Variants in TPR observed in about 807,000 individuals in gnomAD.
The protein encoded by TPR is nucleoprotein TPR.
Under a neutral mutation model 316.1 loss-of-function variants are expected in TPR, and 51 were observed. The ratio of observed to expected loss-of-function variants is 0.16; its 90% confidence interval spans 0.13 to 0.20. The LOEUF (loss-of-function observed/expected upper bound fraction) is 0.20, where lower values mean the gene tolerates loss of function less well. Among genes scored for constraint, TPR ranks in the 10% least tolerant of loss-of-function variants. The pLI, the probability that TPR is intolerant of heterozygous loss-of-function variation, is 1.00. For synonymous variants in TPR, 981 were observed against 914.7 expected, an observed-to-expected ratio of 1.07 and a Z score of -1.31; for missense variants, 2,272 against 2,754.8, an observed-to-expected ratio of 0.82 and a Z score of 3.92.
At chr1:186,331,418 C>A in intron 39 of TPR, 80 bp downstream of exon 39, 6 of 948,020 alleles carry the variant, frequency 6.3e-6, no homozygotes, top group South Asian at 1.7e-5. Context: ...AAAAAAAGAC[C>A]AAATAATGTT....
chr1:186,370,680 A>G (rs1441487853), intron 3 of TPR, among the ~76,000 whole-genome samples: 1 of 152,142 alleles, frequency 6.6e-6, no homozygotes, highest in Non-Finnish European at 1.5e-5. Context: ...TAAGGAAATG[A>G]CTACCAATGT....
Position 186,341,099 on chromosome 1 carries a change from T to C in TPR, c.3949A>G (p.Lys1317Glu). Residue 1317 changes from lysine to glutamate, a missense_variant, in exon 29 of 51, where the codon AAA becomes GAA. By Grantham distance (56) the Lys-to-Glu change is moderately conservative. Around this residue, in one of 10 missense-constraint regions of TPR, gnomAD observed 96 missense variants for 134.6 expected, o/e 0.71. Coordinates refer to ENST00000367478, the MANE Select transcript of TPR (RefSeq NM_003292.3). ...TTCTCTGCCTGCAACATACCGCTTT[T>C]CTCACTCAGCTCAGCATTTGCTTCT... ...LQEANAELSEKSGMLQAEKKL... is the reference protein window; with the variant it reads ...LQEANAELSEESGMLQAEKKL... 6.2e-7 allele frequency: 1 copy of C among 1,614,128 alleles called. No homozygotes were observed.
intron 15 of TPR, 56 bp from the exon 16 acceptor site, chr1:186,355,824 A>G (rs1003102451): frequency 4.4e-6 from 7 of 1,582,308 alleles, no homozygotes; most frequent in Non-Finnish European, 6.0e-6. Flanking sequence ...AATCAGCTTT[A>G]ATCTAATGCT....
rs1010601439 is a variant in TPR, at chr1:186,311,986, TCAA to T, written c.*1982_*1984del. The T allele has an allele frequency of 1.5e-5, 9 of 583,892 alleles. No individual in the cohort carries two copies. The highest frequency in any genetic ancestry group is 1.1e-4 in the African/African-American group (6 of 53,750). 36.2% of individuals were successfully genotyped at this position (583,892 alleles called of 1,614,324 possible). On this transcript the variant is annotated 3_prime_UTR_variant, in exon 51 of 51. Coordinates refer to ENST00000367478, the MANE Select transcript of TPR (RefSeq NM_003292.3). ...TATGTAATTTGCTGCATCTATTCAT[TCAA>T]CAAGTATTTCAGTTTAATAATTATT...
At chr1:186,325,957 T>C in intron 41 of TPR, 103 bp from the exon 42 acceptor site, 2 of 1,551,534 alleles carry the variant, frequency 1.3e-6, no homozygotes, top group Non-Finnish European at 1.7e-6. Context: ...AACAAATAAG[T>C]AACCATAACA....
chr1:186,326,606 T>A (rs1039076704), intron 40 of TPR, among the ~76,000 whole-genome samples: 3 of 151,886 alleles, frequency 2.0e-5, no homozygotes, highest in African/African-American at 7.3e-5. Flanking sequence ...TAATCTAAAA[T>A]AAGAAGCTGT....
Position 186,375,186 on chromosome 1 carries a change from C to A in TPR, c.-158G>T. On this transcript the variant is annotated 5_prime_UTR_variant, in exon 1 of 51. Coordinates refer to ENST00000367478, the MANE Select transcript of TPR (RefSeq NM_003292.3). ...CCGCCGGAGACTCCCGCGGCGGGAC[C>A]CTGGGAAATCGAGTCCACCCTCAGC... The A allele has an allele frequency of 6.5e-7, 1 of 1,531,816 alleles. No homozygotes were observed. The allele number at this position is 1,531,816 out of a possible 1,614,324, so 94.9% of individuals were successfully genotyped here.
intron 33 of TPR, 79 bp from the exon 34 acceptor site, chr1:186,335,622 G>T: frequency 8.8e-7 from 1 of 1,138,108 alleles, no homozygotes; most frequent in South Asian, 1.6e-5. Context: ...ATTGGCACAT[G>T]GTCACATCAG....
chr1:186,327,536 C>T lies in TPR; in HGVS notation c.5813G>A (p.Gly1938Asp), dbSNP rs375784372. Residue 1938 changes from glycine to aspartate, a missense_variant, in exon 40 of 51, where the codon GGC becomes GAC. Physicochemically the swap from Gly to Asp is moderately conservative, Grantham distance 94. Coordinates refer to ENST00000367478, the MANE Select transcript of TPR (RefSeq NM_003292.3). ...AATTACAATGACATCATCTCCTTTGCCTTGACCATCCTGGGATGAAGTTGT... is the reference window on the plus strand; with the variant it reads ...AATTACAATGACATCATCTCCTTTGTCTTGACCATCCTGGGATGAAGTTGT... ...QTTTSSQDGQ[G>D]KGDDVIVIDS... 1.9e-6 allele frequency: 3 copies of T among 1,611,600 alleles called. No homozygotes were observed. The African/African-American group carries it at 4.0e-5, about 22-fold the overall frequency.
chr1:186,331,780 C>T (rs1658175129), intron 38 of TPR, among the ~76,000 whole-genome samples, 199 bp from the exon 39 acceptor site: 1 of 152,038 alleles, frequency 6.6e-6, no homozygotes, highest in African/African-American at 2.4e-5. Context: ...AACATTAATA[C>T]ATGCTAATAC....
At position 186,357,602 on chromosome 1, in the gene TPR, G is replaced by C. The variant is rs757215246; in HGVS notation, c.1519C>G (p.Leu507Val). 5.0e-6 allele frequency: 8 copies of C among 1,613,380 alleles called. No homozygotes were observed. The Middle Eastern group carries it at 6.6e-4, about 133-fold the overall frequency. Residue 507 changes from leucine (L) to valine (V), a missense_variant, in exon 14 of 51, where the codon CTT becomes GTT. Physicochemically the swap from Leu to Val is conservative, Grantham distance 32. Coordinates refer to ENST00000367478, the MANE Select transcript of TPR (RefSeq NM_003292.3). The stretch of plus-strand genomic sequence containing the variant: ...ACGTGGTTACCCCTTGCTTCTTCAA[G>C]TTCCATCAAAAGCACTCTAATCTAA... ...SQQIRVLLMELEEARGNHVIR... is the reference protein window; with the variant it reads ...SQQIRVLLMEVEEARGNHVIR...
Position 186,362,279 on chromosome 1 carries a change from C to A in TPR, c.789+9G>T. On this transcript the variant is annotated intron_variant, in intron 7 of 50. Transcript: ENST00000367478. ...TTTGTAAAAAAGACATTTTAATGGTCATATATACCTCTTTTAATTTGGTCA... is the reference window on the plus strand; with the variant it reads ...TTTGTAAAAAAGACATTTTAATGGTAATATATACCTCTTTTAATTTGGTCA... 2 of 1,601,398 alleles carry A rather than the reference C, an allele frequency of 1.2e-6. No homozygotes were observed. The highest frequency in any genetic ancestry group is 2.2e-5 in the South Asian group (2 of 90,134).
rs200170548 is a variant in TPR, at chr1:186,334,538, T to G, written c.4974-5A>C. ...GGTGGGTCTGATGTGCTGGCACTTA[T>G]AGAGGAGAAAATGGAAGAATAATTA... On this transcript the variant is annotated splice_polypyrimidine_tract_variant and splice_region_variant and intron_variant, in intron 35 of 50. Coordinates refer to ENST00000367478, the MANE Select transcript of TPR (RefSeq NM_003292.3). 240 of 1,608,730 alleles carry G rather than the reference T, an allele frequency of 1.5e-4. No homozygotes were observed. Among genetic ancestry groups the G allele is most frequent in the Non-Finnish European group, 2.0e-4 (231 of 1,176,208 alleles).
intron 2 of TPR, among the ~76,000 whole-genome samples, chr1:186,372,867 G>A (rs1251350568): frequency 6.6e-6 from 1 of 152,062 alleles, no homozygotes; most frequent in African/African-American, 2.4e-5. Context: ...GAAATATCCT[G>A]AGATTCATAG....
chr1:186,344,319 GA>G, intron 25 of TPR, 55 bp downstream of exon 25: 1 of 1,570,154 alleles, frequency 6.4e-7, no homozygotes, highest in Non-Finnish European at 8.7e-7. Flanking sequence ...ATAAAATAAA[GA>G]AAAAAACAAC....
rs530535626 is a variant in TPR at position 186,333,922 on chromosome 1, C to T, written c.5182+403G>A. ...TGTGGAGTTAGGTAAAGGGATTAAA[C>T]AATAAGAAGCTGAGATTTTTGCCCT... On this transcript the variant is annotated intron_variant, in intron 36 of 50. Transcript: ENST00000367478. 5.9e-5 allele frequency among the ~76,000 whole-genome samples: 9 copies of T among 152,148 alleles called. No individual in the cohort carries two copies. In the East Asian group the frequency reaches 1.2e-3, roughly 20 times the overall value.
intron 1 of TPR, among the ~76,000 whole-genome samples, chr1:186,374,653 T>A (rs1659650073): frequency 6.6e-6 from 1 of 152,216 alleles, no homozygotes; most frequent in South Asian, 2.1e-4. Context: ...TGTATGAGCC[T>A]ACCCTAACTA....
chr1:186,323,814 G>C lies in TPR; in HGVS notation c.6169C>G (p.Gln2057Glu). 1 of 1,554,716 alleles carries C rather than the reference G, an allele frequency of 6.4e-7. No homozygotes were observed. Among genetic ancestry groups the C allele is most frequent in the Non-Finnish European group, 8.6e-7 (1 of 1,159,212 alleles). Residue 2057 changes from glutamine to glutamate, a missense_variant, in exon 43 of 51, where the codon CAA becomes GAA. Gln to Glu is a conservative substitution (Grantham distance 29). This residue lies in a region of TPR where 435 missense variants were observed against 461.1 expected (regional missense o/e 0.94). Coordinates refer to ENST00000367478, the MANE Select transcript of TPR (RefSeq NM_003292.3). ...CTTTCAGATGCTGATGATGGCTGTT[G>C]TTCTCTAGAAACCTCCTGAGAAAAA... is the stretch of plus-strand genomic sequence containing the variant. ...SSFSQEVSRE[Q>E]QPSSASERQA...
Position 186,360,877 on chromosome 1 carries a change from T to C in TPR, c.987A>G (p.Leu329=), listed in dbSNP as rs771330471. The change falls in exon 10 of 51, where the codon CTA becomes CTG. Residue 329 remains leucine (L), a synonymous_variant. Transcript: ENST00000367478. The part of the protein sequence containing the change: ...EANKAIQDHL[L]EVEQSKDQME... Reference sequence around the variant, plus strand: ...TTTGATCTTTGGATTGCTCCACCTCTAGAAGATGATCTTGTATTGCTTTGT... The same window carrying C: ...TTTGATCTTTGGATTGCTCCACCTCCAGAAGATGATCTTGTATTGCTTTGT... The C allele has an allele frequency of 1.2e-6, 2 of 1,612,598 alleles. No individual in the cohort carries two copies. The highest frequency in any genetic ancestry group is 2.2e-5 in the South Asian group (2 of 91,018).
Sources: gnomAD v4.1 joint callset for allele counts (sites outside exome capture counted in the v4.1 genomes callset) on GRCh38, gnomAD v4.1.1 for gene constraint, gnomAD v4.1.1 regional missense constraint, MANE v1.5 for transcripts, NCBI Gene and HGNC (gene_info 2026-07-23, HGNC 2026-07-21) for gene names.